Variants in GALNT2 observed in about 807,000 individuals in gnomAD.
GALNT2 encodes the protein polypeptide N-acetylgalactosaminyltransferase 2, also known as UDP-GalNAc:polypeptide N-acetylgalactosaminyltransferase 2.
Under a neutral mutation model 81.4 loss-of-function variants are expected in GALNT2, and 31 were observed. That is an observed-to-expected ratio of 0.38 (90% CI 0.29 to 0.51). GALNT2 has a LOEUF of 0.51. GALNT2 is among the 20% of genes least tolerant of loss of function. The pLI is 0.87. For missense variants in GALNT2, 629 were observed against 765.7 expected (o/e 0.82, Z 2.11); for synonymous variants, 303 against 287.4 (o/e 1.05, Z -0.55).
Position 230,259,151 on chromosome 1 carries a change from C to T in GALNT2, c.1137-3422C>T, listed in dbSNP as rs1338792730. 2 of 152,198 alleles carry T rather than the reference C, an allele frequency of 1.3e-5. 1 individual carries two copies. Among genetic ancestry groups the T allele is most frequent in the Non-Finnish European group, 2.9e-5 (2 of 68,034 alleles). The allele number at this position is 152,198 out of a possible 1,614,324, so 9.4% of individuals were successfully genotyped here. A position where few individuals can be genotyped will look rare whatever the true frequency, so the allele number is the denominator to read the frequency against. On this transcript the variant is annotated intron_variant, in intron 11 of 15. Coordinates refer to ENST00000366672, the MANE Select transcript of GALNT2 (RefSeq NM_004481.5). ...TGAGGTCTCTTTCCAGCTGCAGTTT[C>T]TCTTAATCTCCTATACAGGTTGAAT...
intron 1 of GALNT2, among the ~76,000 whole-genome samples, chr1:230,166,219 G>A (rs1211212700): frequency 6.6e-6 from 1 of 152,132 alleles, no homozygotes; most frequent in African/African-American, 2.4e-5. Flanking sequence ...GCTGAACCTT[G>A]AGCAAAGAAA....
chr1:230,177,346 A>G (rs1663013559), intron 1 of GALNT2, among the ~76,000 whole-genome samples: 1 of 152,234 alleles, frequency 6.6e-6, no homozygotes, highest in East Asian at 1.9e-4. Flanking sequence ...GTATCCGCCT[A>G]ATCGCATCTG....
chr1:230,099,285 G>A (rs12726525), intron 1 of GALNT2, among the ~76,000 whole-genome samples: 42,883 of 152,092 alleles, frequency 0.28, 6,070 homozygotes, highest in African/African-American at 0.33. Context: ...ACAGGCTGCT[G>A]CACTATTTCT....
chr1:230,092,186 T>TTTTTTTTTTTTGG (rs1434723096), intron 1 of GALNT2, among the ~76,000 whole-genome samples: 1 of 6,816 alleles, frequency 1.5e-4, no homozygotes, highest in African/African-American at 2.6e-3. Flanking sequence ...GTTTTTTTTT[T>TTTTTTTTTTTTGG]TTTTTTTTTT....
intron 1 of GALNT2, among the ~76,000 whole-genome samples, chr1:230,153,141 G>C (rs935627788): frequency 6.6e-6 from 1 of 152,212 alleles, no homozygotes; most frequent in African/African-American, 2.4e-5. Flanking sequence ...ATGGCTCACT[G>C]TAATCTCAAA....
intron 1 of GALNT2, among the ~76,000 whole-genome samples, chr1:230,069,511 A>G (rs1659310557): frequency 6.6e-6 from 1 of 152,118 alleles, no homozygotes; most frequent in Non-Finnish European, 1.5e-5. Context: ...ATTGCAGTGG[A>G]AGACTCATTA....
chr1:230,242,284 A>C (rs1239228903), intron 6 of GALNT2, among the ~76,000 whole-genome samples: 2 of 152,168 alleles, frequency 1.3e-5, no homozygotes, highest in Non-Finnish European at 2.9e-5. Context: ...ACTGGAGCAA[A>C]GGTTTGCCCC....
At chr1:230,206,213 G>A (rs1028797262) in intron 3 of GALNT2, among the ~76,000 whole-genome samples, 1 of 152,090 alleles carries the variant, frequency 6.6e-6, no homozygotes, top group Non-Finnish European at 1.5e-5. Flanking sequence ...CAGCATGTGG[G>A]CTGGCTTTCT....
chr1:230,219,245 C>A (rs1285496919), intron 3 of GALNT2, among the ~76,000 whole-genome samples: 2 of 152,182 alleles, frequency 1.3e-5, no homozygotes, highest in Admixed American at 6.5e-5. Context: ...CTTGGTAATT[C>A]TTTAAGTGCA....
chr1:230,213,435 G>C (rs1482982802), intron 3 of GALNT2, among the ~76,000 whole-genome samples: 1 of 152,138 alleles, frequency 6.6e-6, no homozygotes, highest in Non-Finnish European at 1.5e-5. Context: ...AATATCAGTA[G>C]AGCTGCACCA....
intron 2 of GALNT2, among the ~76,000 whole-genome samples, chr1:230,192,230 G>A (rs529616574): frequency 2.4e-4 from 37 of 152,344 alleles, no homozygotes; most frequent in Admixed American, 3.9e-4. Context: ...GCATAATTAG[G>A]ACCTGGGTTT....
chr1:230,096,096 C>T (rs1190859920), intron 1 of GALNT2, among the ~76,000 whole-genome samples: 1 of 152,192 alleles, frequency 6.6e-6, no homozygotes, highest in East Asian at 1.9e-4. Context: ...TGCCCTGCTG[C>T]AGGGACTTTT....
chr1:230,063,752 G>T (rs563542717), upstream of GALNT2, among the ~76,000 whole-genome samples: 1 of 152,248 alleles, frequency 6.6e-6, no homozygotes, highest in South Asian at 2.1e-4. Context: ...GCTATAAATT[G>T]TCCCTCTTCA....
intron 1 of GALNT2, among the ~76,000 whole-genome samples, chr1:230,101,988 C>G (rs1660416531): frequency 6.6e-6 from 1 of 152,238 alleles, no homozygotes; most frequent in Non-Finnish European, 1.5e-5. Context: ...TAGCTCTCCT[C>G]TTTGTTTTCC....
chr1:230,127,652 A>T (rs1661230333), intron 1 of GALNT2, among the ~76,000 whole-genome samples: 1 of 150,872 alleles, frequency 6.6e-6, no homozygotes, highest in South Asian at 2.1e-4. Flanking sequence ...GGGATTACAG[A>T]TGTGAGCCAC....
chr1:230,161,818 C>T (rs1662445811), intron 1 of GALNT2, among the ~76,000 whole-genome samples: 1 of 152,152 alleles, frequency 6.6e-6, no homozygotes, highest in African/African-American at 2.4e-5. Flanking sequence ...CACCTTAATT[C>T]TTGTTTCTAT....
intron 1 of GALNT2, among the ~76,000 whole-genome samples, chr1:230,108,501 C>T (rs1311055288): frequency 6.6e-6 from 1 of 152,174 alleles, no homozygotes; most frequent in Non-Finnish European, 1.5e-5. Context: ...CATTGTAAGT[C>T]GAGGAGCATC....
At chr1:230,168,737 C>T (rs569882286) in intron 1 of GALNT2, among the ~76,000 whole-genome samples, 1 of 152,238 alleles carries the variant, frequency 6.6e-6, no homozygotes, top group South Asian at 2.1e-4. Context: ...ACATGGGGAA[C>T]ATTGTGCAGA....
chr1:230,154,918 A>G (rs982522262), intron 1 of GALNT2, among the ~76,000 whole-genome samples: 2 of 152,126 alleles, frequency 1.3e-5, no homozygotes, highest in South Asian at 2.1e-4. Context: ...TCACATTGGT[A>G]ACTTGTGGTT....
Sources: allele counts gnomAD v4.1 joint callset (sites outside exome capture counted in the v4.1 genomes callset), GRCh38; gene constraint gnomAD v4.1.1; transcripts MANE v1.5; gene names NCBI Gene and HGNC (gene_info 2026-07-23, HGNC 2026-07-21).